DIP2B: variants seen among roughly 807,000 people sequenced by gnomAD.
DIP2B encodes the protein DIP2 acetate--CoA ligase B (putative).
DIP2B carries 76 observed loss-of-function variants against 198.0 expected under a neutral mutation model. The ratio of observed to expected loss-of-function variants is 0.38; its 90% CI spans 0.32 to 0.46. The LOEUF is 0.46. Ranked by LOEUF, DIP2B falls within the 20% of genes least tolerant of loss-of-function variation. The probability of loss-of-function intolerance (pLI) is 0.99; values close to 1 mark genes in which losing one functional copy is unlikely to be tolerated. For synonymous variants in DIP2B, 701 were observed against 739.1 expected (o/e 0.95, Z 0.84); for missense variants, 1,559 against 1,978.4 (o/e 0.79, Z 4.02).
chr12:50,627,523 C>G (rs1424592962), intron 2 of DIP2B, among the ~76,000 whole-genome samples: 1 of 152,102 alleles, frequency 6.6e-6, no homozygotes, highest in Non-Finnish European at 1.5e-5. Context: ...GAGTTGGGGT[C>G]TCACTTTATT....
At chr12:50,662,899 A>G (rs1012036619) in intron 4 of DIP2B, among the ~76,000 whole-genome samples, 6 of 151,980 alleles carry the variant, frequency 3.9e-5, no homozygotes, top group African/African-American at 9.7e-5. Context: ...TCAGGAGGTC[A>G]GGAGTTCGAG....
chr12:50,709,263 G>A lies in DIP2B; in HGVS notation c.2649+701G>A, dbSNP rs149629005. Among the ~76,000 whole-genome samples, 218 of 152,274 alleles carry A rather than the reference G, an allele frequency of 1.4e-3. 4 individuals are homozygous for A. The East Asian group carries it at 0.021, about 14-fold the overall frequency. On this transcript the variant is annotated intron_variant, in intron 22 of 37. Transcript: ENST00000301180. ...GGATTAAATGAGGTAATTAATTGAA[G>A]TATATAGTACCTGCACTCAGTAAAT...
chr12:50,706,593 GAA>G lies in DIP2B; in HGVS notation c.2463_2464del (p.Arg822ThrfsTer2). ...GATGGCTTACTGATGGTTAGTGGTC[GAA>G]GACATAATGCTGATGACATTGTTGC... On this transcript the variant is annotated frameshift_variant, in exon 21 of 38. Transcript: ENST00000301180. LOFTEE classifies it high-confidence loss of function. 1 of 1,614,046 alleles carries G rather than the reference GAA, an allele frequency of 6.2e-7. No individual in the cohort carries two copies. The highest frequency in any genetic ancestry group is 8.5e-7 in the Non-Finnish European group (1 of 1,179,974).
chr12:50,602,431 G>T lies in DIP2B; in HGVS notation c.101-23545G>T, dbSNP rs567607837. On this transcript the variant is annotated intron_variant, in intron 1 of 37. Transcript: ENST00000301180. ...ATACAGGCACACACCACTGTGGCTG[G>T]CTAATTTTTGTATTTTTTGTAGAGA... 1.2e-3 allele frequency among the ~76,000 whole-genome samples: 176 copies of T among 152,172 alleles called. 1 individual carries two copies. The highest frequency in any genetic ancestry group is 2.1e-3 in the Non-Finnish European group (146 of 68,000).
In DIP2B at chr12:50,540,110, AT is replaced by A. The variant is rs71083594; in HGVS notation, c.100+34886del. Among the ~76,000 whole-genome samples the A allele has an allele frequency of 1.3e-3, 81 of 62,146 alleles. 1 individual carries two copies. Among genetic ancestry groups the A allele is most frequent in the Non-Finnish European group, 1.6e-3 (54 of 32,814 alleles). 40.8% of individuals were successfully genotyped at this position (62,146 alleles called of 152,430 possible). Reference sequence around the variant, plus strand: ...TATTGCAAATATCATAGCTATGAACATTTTTTTTTTTTTTTTGAGGTGGAGT... The same window carrying A: ...TATTGCAAATATCATAGCTATGAACATTTTTTTTTTTTTTTGAGGTGGAGT... On this transcript the variant is annotated intron_variant, in intron 1 of 37. Coordinates refer to ENST00000301180, the MANE Select transcript of DIP2B (RefSeq NM_173602.3).
Position 50,549,447 on chromosome 12 carries a change from G to A in DIP2B, c.100+44207G>A, listed in dbSNP as rs544620141. Among the ~76,000 whole-genome samples, 7 of 151,536 alleles carry A rather than the reference G, an allele frequency of 4.6e-5. No individual in the cohort carries two copies. The East Asian group carries it at 9.7e-4, about 21-fold the overall frequency. On this transcript the variant is annotated intron_variant, in intron 1 of 37. Transcript: ENST00000301180. The stretch of plus-strand genomic sequence containing the variant: ...CGGGAGGCTGAGGCAGGAGAATGGC[G>A]TGAACCTGGGAGGTGGAGCTTGCAG...
At chr12:50,742,555 G>C (rs1192446839) in intron 37 of DIP2B, among the ~76,000 whole-genome samples, 4 of 152,054 alleles carry the variant, frequency 2.6e-5, no homozygotes, top group Admixed American at 2.6e-4. Context: ...AACAGCCACA[G>C]TTCTTTTGAT....
chr12:50,725,405 C>G (rs1018472273), intron 28 of DIP2B, among the ~76,000 whole-genome samples: 2 of 151,968 alleles, frequency 1.3e-5, no homozygotes, highest in Non-Finnish European at 2.9e-5. Context: ...TGCTATACTT[C>G]GAAAGCCATA....
intron 1 of DIP2B, among the ~76,000 whole-genome samples, chr12:50,551,591 A>G (rs1042908612): frequency 3.3e-5 from 5 of 152,126 alleles, no homozygotes; most frequent in Admixed American, 3.3e-4. Context: ...CTACAGGTAC[A>G]TGCCACCACG....
rs1364412593 is a variant in DIP2B, at chr12:50,527,969, C to T, written c.100+22729C>T. 2.0e-5 allele frequency among the ~76,000 whole-genome samples: 3 copies of T among 150,746 alleles called. No homozygotes were observed. In the East Asian group the frequency reaches 5.8e-4, roughly 29 times the overall value. ...TGGAGACAGAGTCTTAGTCTGTCAC[C>T]CAGGCTGGAGTACAGTAGTGTAATC... On this transcript the variant is annotated intron_variant, in intron 1 of 37. Transcript: ENST00000301180.
intron 1 of DIP2B, among the ~76,000 whole-genome samples, chr12:50,571,178 T>C (rs1482207110): frequency 6.7e-6 from 1 of 150,214 alleles, no homozygotes; most frequent in African/African-American, 2.4e-5. Flanking sequence ...CTCTTTTTTT[T>C]TTTTTTTTTT....
At chr12:50,601,098 G>T (rs564536399) in intron 1 of DIP2B, among the ~76,000 whole-genome samples, 1 of 152,118 alleles carries the variant, frequency 6.6e-6, no homozygotes, top group Non-Finnish European at 1.5e-5. Context: ...CTGTTTATCT[G>T]TTATGGTATA....
At position 50,675,323 on chromosome 12, in the gene DIP2B, T is replaced by G. The variant is rs771977865; in HGVS notation, c.797-6T>G. 1 of 1,611,334 alleles carries G rather than the reference T, an allele frequency of 6.2e-7. No individual in the cohort carries two copies. Among genetic ancestry groups the G allele is most frequent in the Non-Finnish European group, 8.5e-7 (1 of 1,178,410 alleles). ...AATTTTAACTTAACCATTTTTTCCC[T>G]TATAGGTGTTCCTGTCAGTAGCAGA... On this transcript the variant is annotated splice_region_variant and splice_polypyrimidine_tract_variant and intron_variant, in intron 6 of 37. Transcript: ENST00000301180.
At chr12:50,694,835 A>G (rs919607636) in intron 14 of DIP2B, among the ~76,000 whole-genome samples, 1 of 152,078 alleles carries the variant, frequency 6.6e-6, no homozygotes, top group African/African-American at 2.4e-5. Context: ...TAGCCAAACA[A>G]TGGAATACTG....
At chr12:50,617,707 G>A (rs1180790277) in intron 1 of DIP2B, among the ~76,000 whole-genome samples, 1 of 152,072 alleles carries the variant, frequency 6.6e-6, no homozygotes, top group Admixed American at 6.5e-5. Flanking sequence ...TACTTGGAAG[G>A]CTGAGGCAGG....
intron 1 of DIP2B, among the ~76,000 whole-genome samples, chr12:50,539,612 C>CT (rs1958301639): frequency 1.4e-5 from 1 of 70,256 alleles, no homozygotes; most frequent in Non-Finnish European, 2.9e-5. Context: ...GTGAAATACT[C>CT]TGTCTCAAAA....
At chr12:50,610,894 C>T (rs1037644333) in intron 1 of DIP2B, among the ~76,000 whole-genome samples, 1 of 151,646 alleles carries the variant, frequency 6.6e-6, no homozygotes, top group Non-Finnish European at 1.5e-5. Flanking sequence ...CCTCTGCCTC[C>T]GTTCAAGCAG....
intron 28 of DIP2B, among the ~76,000 whole-genome samples, chr12:50,725,845 C>T (rs1018421361): frequency 6.6e-6 from 1 of 150,926 alleles, no homozygotes; most frequent in Non-Finnish European, 1.5e-5. Context: ...CCATTAATGT[C>T]CTCCCTACCC....
intron 1 of DIP2B, among the ~76,000 whole-genome samples, chr12:50,527,577 A>G (rs1477264059): frequency 6.6e-6 from 1 of 152,122 alleles, no homozygotes; most frequent in Non-Finnish European, 1.5e-5. Flanking sequence ...GGAGTTCAAG[A>G]TAGTGAGACT....
Sources: allele counts gnomAD v4.1 joint callset (sites outside exome capture counted in the v4.1 genomes callset), GRCh38; gene constraint gnomAD v4.1.1; transcripts MANE v1.5; gene names NCBI Gene and HGNC (gene_info 2026-07-23, HGNC 2026-07-21).